Variants in CMIP observed in about 807,000 individuals in gnomAD.
CMIP encodes C-Maf-inducing protein.
Under a neutral mutation model 97.3 loss-of-function variants are expected in CMIP, and 13 were observed. That is an observed-to-expected ratio of 0.13 (90% confidence interval 0.09 to 0.21). The LOEUF is 0.21. CMIP is among the 10% of genes least tolerant of loss of function. The pLI, the probability that CMIP is intolerant of heterozygous loss-of-function variation, is 1.00. For missense variants in CMIP, 847 were observed against 1,024.9 expected (o/e 0.83, Z 2.37); for synonymous variants, 538 against 436.3 (o/e 1.23, Z -2.91).
At chr16:81,585,553 G>A (rs1461348493) in intron 1 of CMIP, among the ~76,000 whole-genome samples, 3 of 152,130 alleles carry the variant, frequency 2.0e-5, no homozygotes, top group Admixed American at 6.5e-5. Flanking sequence ...TTTCATATAC[G>A]TGGATCAATT....
intron 2 of CMIP, among the ~76,000 whole-genome samples, chr16:81,617,859 A>G (rs1022822690): frequency 1.3e-4 from 20 of 152,248 alleles, no homozygotes; most frequent in African/African-American, 4.8e-4. Context: ...TAGGTAGAGC[A>G]TGCGTGGCCC....
intron 1 of CMIP, among the ~76,000 whole-genome samples, chr16:81,591,959 G>A (rs546307961): frequency 1.3e-5 from 2 of 151,752 alleles, no homozygotes; most frequent in Admixed American, 6.6e-5. Context: ...AGGTAGCTGG[G>A]ATTACAGGCG....
intron 1 of CMIP, among the ~76,000 whole-genome samples, chr16:81,583,699 C>T (rs536059344): frequency 1.3e-5 from 2 of 152,214 alleles, no homozygotes; most frequent in Admixed American, 6.5e-5. Flanking sequence ...CTCTGTCTGT[C>T]GTTGCAGAGG....
chr16:81,521,736 C>G (rs2090031921), intron 1 of CMIP, among the ~76,000 whole-genome samples: 2 of 152,124 alleles, frequency 1.3e-5, no homozygotes, highest in Non-Finnish European at 2.9e-5. Flanking sequence ...TTTTGAAGCT[C>G]CTATGATACC....
chr16:81,626,700 T>C (rs2092071739), intron 3 of CMIP, among the ~76,000 whole-genome samples: 1 of 141,740 alleles, frequency 7.1e-6, no homozygotes, highest in African/African-American at 2.7e-5. Flanking sequence ...GTGGGGTCAT[T>C]TGTATGAGGG....
At chr16:81,504,291 A>G (rs552525554) in intron 1 of CMIP, among the ~76,000 whole-genome samples, 2 of 151,880 alleles carry the variant, frequency 1.3e-5, no homozygotes, top group Admixed American at 6.6e-5. Flanking sequence ...ATGCCACTGC[A>G]CTTCAGCCTT....
intron 10 of CMIP, among the ~76,000 whole-genome samples, chr16:81,680,371 C>A (rs1388752995): frequency 6.6e-6 from 1 of 152,210 alleles, no homozygotes; most frequent in Non-Finnish European, 1.5e-5. Flanking sequence ...CCTGGGGTGC[C>A]CCCTGTGCTC....
chr16:81,495,500 G>A (rs1301640825), intron 1 of CMIP: 35 of 1,612,998 alleles, frequency 2.2e-5, no homozygotes, highest in Non-Finnish European at 3.0e-5. Context: ...CTGAGGTACA[G>A]TCCCATGTGG....
At chr16:81,606,965 T>C (rs925070725) in intron 1 of CMIP, 1 of 154,322 alleles carries the variant, frequency 6.5e-6, no homozygotes, top group African/African-American at 2.4e-5. Flanking sequence ...GTGAGGAGTG[T>C]GGAAAGGGAG....
At chr16:81,455,250 G>A (rs771656856) in intron 1 of CMIP, among the ~76,000 whole-genome samples, 7 of 152,176 alleles carry the variant, frequency 4.6e-5, no homozygotes, top group Non-Finnish European at 8.8e-5. Flanking sequence ...ACCGTGCAGC[G>A]GCCACTCGTG....
intron 8 of CMIP, among the ~76,000 whole-genome samples, chr16:81,670,663 A>G (rs1370930799): frequency 1.4e-5 from 2 of 144,626 alleles, no homozygotes; most frequent in South Asian, 2.2e-4. Flanking sequence ...TTAATTTTAA[A>G]TTTTCTCTCG....
chr16:81,548,067 GC>G, intron 1 of CMIP, among the ~76,000 whole-genome samples: 1 of 151,436 alleles, frequency 6.6e-6, no homozygotes, highest in South Asian at 2.1e-4. Context: ...CTTGACCCAA[GC>G]ATTGTAGTAT....
At chr16:81,649,623 T>G (rs2092404355) in intron 3 of CMIP, among the ~76,000 whole-genome samples, 4 of 152,262 alleles carry the variant, frequency 2.6e-5, no homozygotes. Context: ...TTTGTGCTTT[T>G]CAGTACAGTT....
At chr16:81,480,009 C>T (rs943005065) in intron 1 of CMIP, among the ~76,000 whole-genome samples, 17 of 152,216 alleles carry the variant, frequency 1.1e-4, no homozygotes, top group Non-Finnish European at 2.5e-4. Flanking sequence ...ATGGGATCAC[C>T]TGGGGATCTT....
At chr16:81,580,321 G>A (rs1032981177) in intron 1 of CMIP, among the ~76,000 whole-genome samples, 7 of 152,202 alleles carry the variant, frequency 4.6e-5, no homozygotes, top group African/African-American at 7.2e-5. Flanking sequence ...TGAGCTACAC[G>A]CTGGGCACTA....
At chr16:81,462,589 T>C (rs576407089) in intron 1 of CMIP, among the ~76,000 whole-genome samples, 1 of 152,346 alleles carries the variant, frequency 6.6e-6, no homozygotes, top group East Asian at 1.9e-4. Flanking sequence ...GTGGGGCTGG[T>C]CCCTGCAGCG....
chr16:81,474,632 G>A (rs560283533), intron 1 of CMIP, among the ~76,000 whole-genome samples: 2 of 152,214 alleles, frequency 1.3e-5, no homozygotes, highest in South Asian at 2.1e-4. Flanking sequence ...CCGTGTCACC[G>A]CACTTCTGTG....
chr16:81,461,720 T>C (rs887941257), intron 1 of CMIP, among the ~76,000 whole-genome samples: 1 of 152,226 alleles, frequency 6.6e-6, no homozygotes, highest in Non-Finnish European at 1.5e-5. Flanking sequence ...GGAAAGCACC[T>C]GGGTTTGCAA....
chr16:81,564,110 C>T (rs1261704614), intron 1 of CMIP, among the ~76,000 whole-genome samples: 3 of 152,240 alleles, frequency 2.0e-5, no homozygotes, highest in Non-Finnish European at 1.5e-5. Context: ...GCAGGTAGGA[C>T]AGAAGCAGGT....
Sources: allele counts gnomAD v4.1 joint callset (sites outside exome capture counted in the v4.1 genomes callset), GRCh38; gene constraint gnomAD v4.1.1; transcripts MANE v1.5; gene names NCBI Gene and HGNC (gene_info 2026-07-23, HGNC 2026-07-21).